Variants in NCR1 observed in about 807,000 individuals in gnomAD.
The protein encoded by NCR1 is NK cell-activating receptor.
In NCR1, 30 loss-of-function variants were observed where a neutral mutation model predicts 32.5. That is an observed-to-expected ratio of 0.92 (90% CI 0.69 to 1.25). NCR1 has a LOEUF of 1.25. Among genes scored for constraint, NCR1 ranks in the 50% most tolerant of loss-of-function variants. The probability of loss-of-function intolerance (pLI) is 0.00; values close to 1 mark genes in which losing one functional copy is unlikely to be tolerated. For synonymous variants in NCR1, 169 were observed against 143.4 expected (o/e 1.18, Z -1.28); for missense variants, 369 against 380.7 (o/e 0.97, Z 0.26).
At chr19:54,933,624 C>T in the NCR1 span, 3 of 1,614,104 alleles carry the variant, frequency 1.9e-6, no homozygotes, top group African/African-American at 4.0e-5. Context: ...AGAAACTTCA[C>T]CCCTGTATCC....
At chr19:54,926,195 A>G in the NCR1 span, among the ~76,000 whole-genome samples, 3 of 117,082 alleles carry the variant, frequency 2.6e-5, no homozygotes, top group Non-Finnish European at 5.6e-5. Context: ...TTTTGGATAT[A>G]ATGATTAGGG....
chr19:54,928,832 C>T, the NCR1 span, among the ~76,000 whole-genome samples: 1 of 151,634 alleles, frequency 6.6e-6, no homozygotes, highest in Non-Finnish European at 1.5e-5. Flanking sequence ...GGCAGAGTTT[C>T]ACTCTTGTTG....
At chr19:54,918,966 A>G (rs373538426), downstream of NCR1, among the ~76,000 whole-genome samples, 45 of 149,004 alleles carry the variant, frequency 3.0e-4, no homozygotes, top group Middle Eastern at 6.9e-3. Context: ...CCTGGGCAAC[A>G]AGAGCAAAAC....
At chr19:54,923,948 A>T in the NCR1 span, 1 of 1,501,050 alleles carries the variant, frequency 6.7e-7, no homozygotes, top group South Asian at 1.1e-5. Flanking sequence ...ATCTGTTTTC[A>T]AACACTCAAA....
the NCR1 span, chr19:54,923,692 G>A: frequency 2.5e-6 from 4 of 1,608,548 alleles, no homozygotes; most frequent in Non-Finnish European, 3.4e-6. Context: ...ACATCTTAGA[G>A]ACCCGAATCC....
the NCR1 span, among the ~76,000 whole-genome samples, chr19:54,930,938 G>A: frequency 2.0e-5 from 3 of 151,918 alleles, no homozygotes; most frequent in South Asian, 2.1e-4. Context: ...CAGGAGAATC[G>A]CTTGAATCCG....
chr19:54,934,859 G>A, the NCR1 span, among the ~76,000 whole-genome samples: 1 of 151,912 alleles, frequency 6.6e-6, no homozygotes, highest in African/African-American at 2.4e-5. This position sits in a 1 kb window ranked among gnomAD's most constrained non-coding sequence, Gnocchi z 6.7. Context: ...ACAGGCATTC[G>A]CCAATTTTTG....
chr19:54,923,255 TA>T, the NCR1 span, among the ~76,000 whole-genome samples: 10 of 152,274 alleles, frequency 6.6e-5, no homozygotes, highest in African/African-American at 2.4e-4. Flanking sequence ...GTGCCAAGCA[TA>T]TGAACTATCT....
intron 5 of NCR1, among the ~76,000 whole-genome samples, chr19:54,911,343 C>T (rs1328400939): frequency 4.3e-5 from 6 of 139,976 alleles, no homozygotes; most frequent in South Asian, 2.3e-4. Flanking sequence ...AGTGAGACTC[C>T]GTCTCAAAAA....
chr19:54,937,778 T>C, the NCR1 span, among the ~76,000 whole-genome samples: 1 of 150,984 alleles, frequency 6.6e-6, no homozygotes, highest in Admixed American at 6.7e-5. Flanking sequence ...ATGCCTGTAA[T>C]CCCAGCTACT....
the NCR1 span, among the ~76,000 whole-genome samples, chr19:54,898,533 G>A: frequency 3.3e-5 from 5 of 152,180 alleles, no homozygotes; most frequent in East Asian, 7.7e-4. Flanking sequence ...CACCTTGAAG[G>A]CGAGGTTAAT....
At chr19:54,919,107 T>C (rs562545763), downstream of NCR1, among the ~76,000 whole-genome samples, 73 of 152,238 alleles carry the variant, frequency 4.8e-4, no homozygotes, top group South Asian at 3.5e-3. Flanking sequence ...TAGTATTCCA[T>C]GGTACATAGA....
the NCR1 span, among the ~76,000 whole-genome samples, chr19:54,922,949 AAG>A: frequency 4.6e-5 from 7 of 151,344 alleles, no homozygotes; most frequent in African/African-American, 1.7e-4. Context: ...CAGAGAAACA[AAG>A]AGAGACACAC....
intron 2 of NCR1, 37 bp from the exon 3 acceptor site, chr19:54,906,486 G>A: frequency 6.3e-7 from 1 of 1,599,724 alleles, no homozygotes; most frequent in Non-Finnish European, 8.5e-7. Flanking sequence ...GGGGGGAGGG[G>A]GCTCCGCTGG....
the NCR1 span, among the ~76,000 whole-genome samples, chr19:54,924,801 T>C: frequency 3.9e-4 from 60 of 152,170 alleles, no homozygotes; most frequent in African/African-American, 1.4e-3. Flanking sequence ...CTGGGCATGG[T>C]GGCAGACAAC....
chr19:54,928,177 G>A, the NCR1 span, among the ~76,000 whole-genome samples: 84,150 of 151,680 alleles, frequency 0.55, 23,560 homozygotes, highest in East Asian at 0.72. Context: ...CCCAGATTGC[G>A]CCACTGCACT....
chr19:54,922,145 G>A, the NCR1 span, among the ~76,000 whole-genome samples: 7 of 151,848 alleles, frequency 4.6e-5, no homozygotes, highest in Non-Finnish European at 1.0e-4. Context: ...CGCCCGCCTC[G>A]GCCTCCCAAA....
chr19:54,909,981 A>T, intron 4 of NCR1, 37 bp from the exon 5 acceptor site: 1 of 1,593,334 alleles, frequency 6.3e-7, no homozygotes, highest in South Asian at 1.1e-5. Context: ...GAGGAAACCA[A>T]AAACCCTTAC....
upstream of NCR1, among the ~76,000 whole-genome samples, chr19:54,902,499 T>G (rs587600576): frequency 8.6e-4 from 131 of 151,934 alleles, no homozygotes; most frequent in African/African-American, 3.0e-3. Flanking sequence ...CAGGCTCGTC[T>G]CAAGCAATCC....
Sources: allele counts gnomAD v4.1 joint callset (sites outside exome capture counted in the v4.1 genomes callset), GRCh38; gene constraint gnomAD v4.1.1; non-coding constraint Gnocchi (gnomAD v3.1); transcripts MANE v1.5; gene names NCBI Gene and HGNC (gene_info 2026-07-23, HGNC 2026-07-21).